Variants in CACNB2 observed in about 807,000 individuals in gnomAD.
CACNB2 encodes voltage-dependent L-type calcium channel subunit beta-2.
CACNB2 carries 42 observed loss-of-function variants against 73.3 expected under a neutral mutation model. That is an observed-to-expected ratio of 0.57 (90% confidence interval 0.45 to 0.74). The LOEUF (loss-of-function observed/expected upper bound fraction) is 0.74. CACNB2 is among the 30% of genes least tolerant of loss of function. The pLI, the probability that CACNB2 is intolerant of heterozygous loss-of-function variation, is 0.00. For synonymous variants in CACNB2, 348 were observed against 310.3 expected, an observed-to-expected ratio of 1.12 and a Z score of -1.28; for missense variants, 940 against 853.0, an observed-to-expected ratio of 1.10 and a Z score of -1.27.
chr10:18,527,738 C>T (rs369319957), intron 10 of CACNB2, 41 bp downstream of exon 10: 1 of 1,235,400 alleles, frequency 8.1e-7, no homozygotes, highest in Non-Finnish European at 1.2e-6. Flanking sequence ...AAACTCTCCT[C>T]TCCCGATGTT....
intron 2 of CACNB2, among the ~76,000 whole-genome samples, chr10:18,263,125 GT>G (rs1440671422): frequency 1.3e-5 from 2 of 152,190 alleles, no homozygotes; most frequent in Admixed American, 1.3e-4. Flanking sequence ...ACCTGCTGCT[GT>G]TTTAACCTCT....
chr10:18,262,747 A>G (rs1458081283), intron 2 of CACNB2, among the ~76,000 whole-genome samples: 4 of 152,242 alleles, frequency 2.6e-5, no homozygotes, highest in Admixed American at 6.5e-5. Context: ...TTATTCTTGT[A>G]TAATGAATTA....
intron 2 of CACNB2, among the ~76,000 whole-genome samples, chr10:18,366,715 G>A (rs1391265157): frequency 1.3e-5 from 2 of 151,802 alleles, no homozygotes; most frequent in African/African-American, 4.8e-5. Flanking sequence ...ACTTGAACTC[G>A]GGAGGCAGAG....
At chr10:18,297,513 A>G (rs1025704491) in intron 2 of CACNB2, among the ~76,000 whole-genome samples, 35 of 152,308 alleles carry the variant, frequency 2.3e-4, no homozygotes, top group African/African-American at 7.7e-4. Context: ...AGCTATGATC[A>G]TGACACTGCA....
intron 2 of CACNB2, among the ~76,000 whole-genome samples, chr10:18,155,672 G>A (rs1588567146): frequency 1.3e-5 from 2 of 152,294 alleles, no homozygotes; most frequent in East Asian, 3.9e-4. Flanking sequence ...ACTCCCACAA[G>A]CAGTGGGTGA....
intron 2 of CACNB2, among the ~76,000 whole-genome samples, chr10:18,371,709 T>C (rs1483637119): frequency 6.6e-6 from 1 of 152,198 alleles, no homozygotes; most frequent in Admixed American, 6.5e-5. Context: ...ATCCTTTGGG[T>C]ATATACCCAG....
At chr10:18,446,028 C>G (rs1028358067) in intron 3 of CACNB2, among the ~76,000 whole-genome samples, 2 of 152,064 alleles carry the variant, frequency 1.3e-5, no homozygotes, top group African/African-American at 4.8e-5. Flanking sequence ...GAGTGAAGCT[C>G]CATCTCATAA....
intron 7 of CACNB2, among the ~76,000 whole-genome samples, chr10:18,514,805 C>G (rs577293026): frequency 6.6e-6 from 1 of 152,276 alleles, no homozygotes; most frequent in Admixed American, 6.5e-5. Flanking sequence ...CATAATGCAC[C>G]TAAATTGTGC....
At chr10:18,243,585 A>G (rs2036745385) in intron 2 of CACNB2, among the ~76,000 whole-genome samples, 2 of 152,196 alleles carry the variant, frequency 1.3e-5, no homozygotes, top group South Asian at 4.1e-4. Context: ...TCATGAGGAC[A>G]GATTTCTTAT....
chr10:18,398,667 TCACACACACACACA>T (rs755907676), intron 2 of CACNB2, among the ~76,000 whole-genome samples: 1 of 132,296 alleles, frequency 7.6e-6, no homozygotes, highest in African/African-American at 3.0e-5. Context: ...AGTGAGACTG[TCACACACACACACA>T]CACACACACA....
rs183288460 is a variant in CACNB2 at position 18,336,056 on chromosome 10, C to T, written c.214-65868C>T. On this transcript the variant is annotated intron_variant, in intron 2 of 13. Transcript: ENST00000324631. The stretch of plus-strand genomic sequence containing the variant: ...AGCTGATACTCAAATATGCCATTGT[C>T]AGAAGAGAGAGGAACTATGGCTTCA... Among the ~76,000 whole-genome samples, 212 of 152,230 alleles carry T rather than the reference C, an allele frequency of 1.4e-3. 1 individual carries two copies. Among genetic ancestry groups the T allele is most frequent in the African/African-American group, 4.6e-3 (192 of 41,556 alleles).
Position 18,536,396 on chromosome 10 carries a change from C to T in CACNB2, c.1302+200C>T, listed in dbSNP as rs150544506. Among the ~76,000 whole-genome samples the T allele has an allele frequency of 3.7e-3, 566 of 151,488 alleles. 5 individuals are homozygous for T. The highest frequency in any genetic ancestry group is 0.012 in the African/African-American group (515 of 41,296). The stretch of plus-strand genomic sequence containing the variant: ...GCTTCAGCCTTCCAAGCAGCTGAGA[C>T]TATAGGTGCATGCCACCATGATCGG... On this transcript the variant is annotated intron_variant, in intron 12 of 13. Coordinates refer to ENST00000324631, the MANE Select transcript of CACNB2 (RefSeq NM_201596.3).
chr10:18,291,062 C>G (rs1184038522), intron 2 of CACNB2, among the ~76,000 whole-genome samples: 1 of 152,196 alleles, frequency 6.6e-6, no homozygotes, highest in African/African-American at 2.4e-5. Context: ...GTTTCATCAA[C>G]AACAGGTGCG....
chr10:18,435,267 C>T (rs2046076912), intron 3 of CACNB2, among the ~76,000 whole-genome samples: 4 of 152,096 alleles, frequency 2.6e-5, no homozygotes, highest in Admixed American at 1.3e-4. Flanking sequence ...ATAAGGCAGG[C>T]GGAGGCATAG....
chr10:18,519,572 T>A (rs751290087), intron 9 of CACNB2: 2 of 389,592 alleles, frequency 5.1e-6, no homozygotes, highest in African/African-American at 2.1e-5. Context: ...GAAGTATCCA[T>A]ACAGAGCCGT....
Position 18,541,424 on chromosome 10 carries a change from C to T in CACNB2, c.*1700C>T, listed in dbSNP as rs1332500402. 1.3e-5 allele frequency: 2 copies of T among 152,226 alleles called. No individual in the cohort carries two copies. Among genetic ancestry groups the T allele is most frequent in the Non-Finnish European group, 2.9e-5 (2 of 68,020 alleles). The allele number at this position is 152,226 out of a possible 1,614,324, so 9.4% of individuals were successfully genotyped here. On this transcript the variant is annotated 3_prime_UTR_variant, in exon 14 of 14. Transcript: ENST00000324631. ...TCATGTTTAAGGCTAAGACCTTTTC[C>T]GTGTCTCAAGTGTATATTTTGTCCA...
intron 2 of CACNB2, among the ~76,000 whole-genome samples, chr10:18,223,351 A>G (rs528003436): frequency 2.0e-5 from 3 of 152,248 alleles, no homozygotes; most frequent in Non-Finnish European, 2.9e-5. Flanking sequence ...CTAGTCAGTA[A>G]TATACATCCA....
chr10:18,458,166 C>A (rs1297171967), intron 3 of CACNB2, among the ~76,000 whole-genome samples: 2 of 152,132 alleles, frequency 1.3e-5, no homozygotes, highest in Non-Finnish European at 2.9e-5. Flanking sequence ...AACATTTACG[C>A]TTGTTTGAAA....
intron 2 of CACNB2, among the ~76,000 whole-genome samples, chr10:18,309,296 A>C (rs1779242): frequency 1.3e-5 from 2 of 152,170 alleles, no homozygotes; most frequent in South Asian, 4.1e-4. Flanking sequence ...TGTCTCCAAC[A>C]GTTACATAAG....
Sources: gnomAD v4.1 joint callset for allele counts (sites outside exome capture counted in the v4.1 genomes callset) on GRCh38, gnomAD v4.1.1 for gene constraint, MANE v1.5 for transcripts, NCBI Gene and HGNC (gene_info 2026-07-23, HGNC 2026-07-21) for gene names.